Variants in RFX8 observed in about 807,000 individuals in gnomAD.
RFX8 encodes the protein DNA-binding protein RFX8.
A neutral mutation model predicts 54.6 loss-of-function variants in RFX8; 46 were observed. The observed-to-expected ratio is 0.84, with a 90% confidence interval of 0.67 to 1.08. The LOEUF is 1.08. Among genes scored for constraint, RFX8 ranks in the 50% least tolerant of loss-of-function variants. RFX8 has a pLI of 0.00. For synonymous variants in RFX8, 192 were observed against 209.5 expected, an observed-to-expected ratio of 0.92 and a Z score of 0.72; for missense variants, 536 against 562.3, an observed-to-expected ratio of 0.95 and a Z score of 0.47.
intron 2 of RFX8, among the ~76,000 whole-genome samples, chr2:101,423,160 A>C (rs1187941711): frequency 6.6e-6 from 1 of 151,870 alleles, no homozygotes; most frequent in African/African-American, 2.4e-5. Flanking sequence ...TGGGAGGCTA[A>C]AGTGGGAGAA....
chr2:101,403,774 G>A (rs571000032), intron 10 of RFX8, among the ~76,000 whole-genome samples: 21 of 152,230 alleles, frequency 1.4e-4, no homozygotes, highest in African/African-American at 4.8e-4. Context: ...GTGACAGAGC[G>A]AGACTCCATC....
intron 2 of RFX8, among the ~76,000 whole-genome samples, chr2:101,437,605 GAGAA>G (rs561054360): frequency 8.6e-5 from 13 of 151,824 alleles, no homozygotes; most frequent in Non-Finnish European, 1.2e-4. Flanking sequence ...GGAAAAAAAA[GAGAA>G]AGGAAGAGAA....
intron 1 of RFX8, among the ~76,000 whole-genome samples, chr2:101,469,062 A>T (rs1446852587): frequency 4.6e-5 from 1 of 21,662 alleles, no homozygotes; most frequent in Non-Finnish European, 1.1e-4. Flanking sequence ...ATACGTATAT[A>T]TATGTATATA....
chr2:101,458,790 A>G (rs1276679641), intron 2 of RFX8, among the ~76,000 whole-genome samples: 1 of 152,202 alleles, frequency 6.6e-6, no homozygotes, highest in Non-Finnish European at 1.5e-5. Flanking sequence ...CCTGGATAAT[A>G]TCCTGAAGAG....
At chr2:101,430,970 A>C (rs1335654696) in intron 2 of RFX8, among the ~76,000 whole-genome samples, 1 of 152,214 alleles carries the variant, frequency 6.6e-6, no homozygotes, top group Non-Finnish European at 1.5e-5. Flanking sequence ...TAGTTGTGAG[A>C]CTTTCTTCAA....
chr2:101,465,547 C>CA (rs1689526704), intron 2 of RFX8, among the ~76,000 whole-genome samples: 3 of 152,004 alleles, frequency 2.0e-5, no homozygotes, highest in African/African-American at 4.8e-5. Flanking sequence ...CAAAAAAACA[C>CA]AAAAAACTGA....
At chr2:101,457,008 A>G (rs565200010) in intron 2 of RFX8, among the ~76,000 whole-genome samples, 1 of 152,280 alleles carries the variant, frequency 6.6e-6, no homozygotes, top group East Asian at 1.9e-4. Flanking sequence ...TGTTTATACT[A>G]TTCTCTGACG....
chr2:101,429,746 G>T (rs1439408801), intron 2 of RFX8, among the ~76,000 whole-genome samples: 1 of 152,132 alleles, frequency 6.6e-6, no homozygotes, highest in Non-Finnish European at 1.5e-5. Flanking sequence ...ACATCCTCAT[G>T]CCTGATGGTT....
intron 2 of RFX8, among the ~76,000 whole-genome samples, chr2:101,444,868 T>C (rs1290041719): frequency 6.6e-6 from 1 of 152,206 alleles, no homozygotes; most frequent in Non-Finnish European, 1.5e-5. Context: ...CTGTATTAAT[T>C]AATGTAATCT....
At chr2:101,466,742 A>C (rs1288875351) in intron 2 of RFX8, 35 bp downstream of exon 2, 1 of 1,439,144 alleles carries the variant, frequency 6.9e-7, no homozygotes, top group East Asian at 2.5e-5. Flanking sequence ...TTTTGCACTC[A>C]GTGAATAGAG....
At chr2:101,420,542 C>T (rs1201294780) in intron 4 of RFX8, among the ~76,000 whole-genome samples, 1 of 151,136 alleles carries the variant, frequency 6.6e-6, no homozygotes, top group Non-Finnish European at 1.5e-5. Flanking sequence ...GACTGCGTCT[C>T]ACACACACAC....
intron 2 of RFX8, among the ~76,000 whole-genome samples, chr2:101,438,702 G>C (rs1436132347): frequency 3.9e-5 from 6 of 152,202 alleles, no homozygotes; most frequent in African/African-American, 1.4e-4. Context: ...CCCATTGTGT[G>C]AGTGACCTAG....
intron 8 of RFX8, 48 bp downstream of exon 8, chr2:101,412,867 A>T (rs1158435827): frequency 6.6e-7 from 1 of 1,520,230 alleles, no homozygotes; most frequent in East Asian, 2.5e-5. Flanking sequence ...GCTAGCCCCA[A>T]ATCTATGCCC....
intron 2 of RFX8, among the ~76,000 whole-genome samples, chr2:101,424,250 A>G (rs573748245): frequency 7.9e-5 from 12 of 152,228 alleles, no homozygotes; most frequent in Non-Finnish European, 1.5e-4. Flanking sequence ...TTATGCAGCC[A>G]ACAGACACAT....
chr2:101,456,024 G>T (rs1038404895), intron 2 of RFX8, among the ~76,000 whole-genome samples: 2 of 152,022 alleles, frequency 1.3e-5, no homozygotes, highest in Non-Finnish European at 2.9e-5. Flanking sequence ...GTCTGTAATT[G>T]GTGTATAGGA....
intron 8 of RFX8, among the ~76,000 whole-genome samples, chr2:101,412,474 A>G (rs1686195075): frequency 6.6e-6 from 1 of 152,240 alleles, no homozygotes; most frequent in Admixed American, 6.5e-5. Flanking sequence ...TAAACTTCAC[A>G]TTGCAAGTAA....
chr2:101,459,636 G>A (rs1689162014), intron 2 of RFX8, among the ~76,000 whole-genome samples: 1 of 152,094 alleles, frequency 6.6e-6, no homozygotes, highest in African/African-American at 2.4e-5. Flanking sequence ...CACCATATGA[G>A]GTGTCTGTTG....
chr2:101,448,274 G>A (rs1455901436), intron 2 of RFX8, among the ~76,000 whole-genome samples: 1 of 152,088 alleles, frequency 6.6e-6, no homozygotes, highest in Non-Finnish European at 1.5e-5. Flanking sequence ...AAGGACTTGT[G>A]GACACCCTCC....
Position 101,468,192 on chromosome 2 carries a change from C to T in RFX8, c.-52-1292G>A, listed in dbSNP as rs1164052085. ...ATGCTTCCTTGGGGTAACAAATTACCACAGGCCCAGTGGCCTCAAACAACA... is the reference window on the plus strand; with the variant it reads ...ATGCTTCCTTGGGGTAACAAATTACTACAGGCCCAGTGGCCTCAAACAACA... On this transcript the variant is annotated intron_variant, in intron 1 of 11. Coordinates refer to ENST00000428343, the MANE Select transcript of RFX8 (RefSeq NM_001145664.2). Among the ~76,000 whole-genome samples the T allele has an allele frequency of 2.6e-5, 4 of 152,308 alleles. No individual in the cohort carries two copies. The East Asian group carries it at 7.7e-4, about 29-fold the overall frequency.
Sources: allele counts gnomAD v4.1 joint callset (sites outside exome capture counted in the v4.1 genomes callset), GRCh38; gene constraint gnomAD v4.1.1; transcripts MANE v1.5; gene names NCBI Gene and HGNC (gene_info 2026-07-23, HGNC 2026-07-21).